MPDZ: variants seen among roughly 807,000 people sequenced by gnomAD.
MPDZ encodes the protein multiple PDZ domain crumbs cell polarity complex component.
In MPDZ, 234 loss-of-function variants were observed where a neutral mutation model predicts 239.1. That is an observed-to-expected ratio of 0.98 (90% CI 0.88 to 1.09). The LOEUF is 1.09. Ranked by LOEUF, MPDZ falls within the 50% of genes least tolerant of loss-of-function variation. MPDZ has a pLI of 0.00. For missense variants in MPDZ, 3,175 were observed against 2,510.0 expected (o/e 1.26, Z -5.66); for synonymous variants, 1,048 against 881.3 (o/e 1.19, Z -3.35).
At chr9:13,119,231 G>A (rs911118630) in intron 39 of MPDZ, among the ~76,000 whole-genome samples, 17 of 152,100 alleles carry the variant, frequency 1.1e-4, no homozygotes, top group African/African-American at 3.6e-4. Flanking sequence ...CTATAGGCAC[G>A]CACAACCATG....
At chr9:13,189,049 A>T in intron 16 of MPDZ, 56 bp from the exon 17 acceptor site, 1 of 1,500,566 alleles carries the variant, frequency 6.7e-7, no homozygotes, top group Non-Finnish European at 9.1e-7. Context: ...ATTCTTCTAC[A>T]GGTCGTCCAC....
intron 39 of MPDZ, among the ~76,000 whole-genome samples, chr9:13,119,177 A>C (rs780420770): frequency 6.6e-6 from 1 of 152,156 alleles, no homozygotes; most frequent in Non-Finnish European, 1.5e-5. Flanking sequence ...GTGTGACCCC[A>C]GACTCATGCG....
Position 13,219,546 on chromosome 9 carries a change from C to T in MPDZ, c.1086+13G>A, listed in dbSNP as rs1183035461. 1.2e-6 allele frequency: 2 copies of T among 1,609,108 alleles called. No individual in the cohort carries two copies. The highest frequency in any genetic ancestry group is 1.7e-6 in the Non-Finnish European group (2 of 1,177,044). ...TTCTCTGACTTTCACATTAACTACTCTTAACTACTTACCCGCAACTCTGGT... is the reference window on the plus strand; with the variant it reads ...TTCTCTGACTTTCACATTAACTACTTTTAACTACTTACCCGCAACTCTGGT... On this transcript the variant is annotated intron_variant, in intron 8 of 46. Transcript: ENST00000319217.
chr9:13,133,030 A>G (rs967793951), intron 32 of MPDZ, among the ~76,000 whole-genome samples: 1 of 152,206 alleles, frequency 6.6e-6, no homozygotes, highest in Non-Finnish European at 1.5e-5. Context: ...ACTTTTCTAA[A>G]GATCACCATA....
At chr9:13,114,537 A>G (rs1168310191) in intron 40 of MPDZ, among the ~76,000 whole-genome samples, 1 of 152,194 alleles carries the variant, frequency 6.6e-6, no homozygotes, top group Non-Finnish European at 1.5e-5. Context: ...GGTGCTGAGT[A>G]TCTATAGTTC....
At chr9:13,109,110 T>C in intron 45 of MPDZ, 51 bp from the exon 46 acceptor site, 4 of 1,222,082 alleles carry the variant, frequency 3.3e-6, no homozygotes, top group Non-Finnish European at 4.2e-6. Flanking sequence ...AAAAAAACTA[T>C]ACATATATGT....
intron 21 of MPDZ, among the ~76,000 whole-genome samples, chr9:13,168,765 A>G (rs1951410716): frequency 6.6e-6 from 1 of 152,088 alleles, no homozygotes; most frequent in Non-Finnish European, 1.5e-5. Flanking sequence ...GAAATTGTAT[A>G]TAGTCAATAC....
intron 25 of MPDZ, among the ~76,000 whole-genome samples, chr9:13,148,239 T>A (rs567943244): frequency 6.6e-6 from 1 of 152,226 alleles, no homozygotes; most frequent in South Asian, 2.1e-4. Flanking sequence ...TAGTAATTCT[T>A]ATATAGTTTG....
intron 12 of MPDZ, among the ~76,000 whole-genome samples, chr9:13,204,823 C>A (rs563580613): frequency 1.3e-5 from 2 of 151,928 alleles, no homozygotes; most frequent in Non-Finnish European, 1.5e-5. Flanking sequence ...TGTAAGTGAA[C>A]GATAAACAAA....
intron 27 of MPDZ, 131 bp from the exon 28 acceptor site, chr9:13,140,280 A>G (rs1587154851): frequency 1.7e-6 from 1 of 581,540 alleles, no homozygotes; most frequent in African/African-American, 1.9e-5. Context: ...GAAAGCTCAT[A>G]TATGTATATA....
At chr9:13,198,735 CTCTGTGTGTGTGTGTG>C (rs1955991884) in intron 12 of MPDZ, among the ~76,000 whole-genome samples, 1 of 17,096 alleles carries the variant, frequency 5.8e-5, no homozygotes, top group African/African-American at 7.5e-5. Context: ...TAATCTCTCT[CTCTGTGTGTGTGTGTG>C]TGTGTGTGTG....
At position 13,172,456 on chromosome 9, in the gene MPDZ, C is replaced by T. The variant is rs867264050; in HGVS notation, c.3055+3296G>A. Among the ~76,000 whole-genome samples, 7 of 150,860 alleles carry T rather than the reference C, an allele frequency of 4.6e-5. No homozygotes were observed. The Middle Eastern group carries it at 0.01, about 221-fold the overall frequency. The stretch of plus-strand genomic sequence containing the variant: ...GGAGTGTAGTGGCACGATCTCGGCT[C>T]ACTGCAACCTCCACCTCCCGAGTTC... On this transcript the variant is annotated intron_variant, in intron 21 of 46. Coordinates refer to ENST00000319217, the MANE Select transcript of MPDZ (RefSeq NM_001378778.1).
intron 23 of MPDZ, among the ~76,000 whole-genome samples, chr9:13,158,633 T>C (rs1950110861): frequency 6.6e-6 from 1 of 152,170 alleles, no homozygotes; most frequent in Non-Finnish European, 1.5e-5. Context: ...TGAAAGACTT[T>C]GGTCCAGCTT....
intron 23 of MPDZ, 62 bp downstream of exon 23, chr9:13,162,629 A>T: frequency 9.0e-7 from 1 of 1,108,184 alleles, no homozygotes. Flanking sequence ...CCTGACTCTG[A>T]ATTCCAAATT....
intron 24 of MPDZ, among the ~76,000 whole-genome samples, chr9:13,156,561 C>T (rs1394970506): frequency 3.3e-5 from 5 of 152,148 alleles, no homozygotes; most frequent in African/African-American, 9.7e-5. Flanking sequence ...ATCAGGAGAA[C>T]AGCATGGGAA....
intron 24 of MPDZ, among the ~76,000 whole-genome samples, chr9:13,152,029 T>C (rs1175361287): frequency 6.6e-6 from 1 of 152,122 alleles, no homozygotes; most frequent in Non-Finnish European, 1.5e-5. Flanking sequence ...TGTAAAAGGA[T>C]GATTTTACAG....
chr9:13,115,360 T>C (rs746826304), intron 39 of MPDZ, 26 bp from the exon 40 acceptor site: 29 of 1,559,114 alleles, frequency 1.9e-5, no homozygotes, highest in Non-Finnish European at 2.5e-5. Context: ...GGGGGTGTTT[T>C]ATGGAAATGT....
At chr9:13,212,704 G>C (rs1957769497) in intron 10 of MPDZ, among the ~76,000 whole-genome samples, 1 of 150,984 alleles carries the variant, frequency 6.6e-6, no homozygotes, top group African/African-American at 2.4e-5. Context: ...CAGGTGCGGT[G>C]GCTAATACCT....
intron 3 of MPDZ, among the ~76,000 whole-genome samples, chr9:13,240,736 C>T (rs1965207523): frequency 6.6e-6 from 1 of 151,944 alleles, no homozygotes; most frequent in Non-Finnish European, 1.5e-5. Context: ...ACAAAACCTA[C>T]CTCCTGGAAC....
Sources: gnomAD v4.1 joint callset for allele counts (sites outside exome capture counted in the v4.1 genomes callset) on GRCh38, gnomAD v4.1.1 for gene constraint, MANE v1.5 for transcripts, NCBI Gene and HGNC (gene_info 2026-07-23, HGNC 2026-07-21) for gene names.